GPRIN3: variants seen among roughly 807,000 people sequenced by gnomAD.
GPRIN3 encodes GPRIN family member 3, also known as G protein-regulated inducer of neurite outgrowth 3.
A neutral mutation model predicts 13.7 loss-of-function variants in GPRIN3; 12 were observed. The observed-to-expected ratio is 0.87, with a 90% confidence interval of 0.56 to 1.42. The LOEUF is 1.42. Among genes scored for constraint, GPRIN3 ranks in the 40% most tolerant of loss-of-function variants. The pLI, the probability that GPRIN3 is intolerant of heterozygous loss-of-function variation, is 0.00. For missense variants in GPRIN3, 1,009 were observed against 958.7 expected, an observed-to-expected ratio of 1.05 and a Z score of -0.69; for synonymous variants, 377 against 372.7, an observed-to-expected ratio of 1.01 and a Z score of -0.13.
chr4:89,287,633 T>C (rs928345016), intron 1 of GPRIN3, among the ~76,000 whole-genome samples: 3 of 152,126 alleles, frequency 2.0e-5, no homozygotes, highest in Admixed American at 6.5e-5. Flanking sequence ...GGGATACTCA[T>C]TGGGAAATTC....
intron 1 of GPRIN3, among the ~76,000 whole-genome samples, chr4:89,267,342 A>G (rs1723807489): frequency 6.6e-6 from 1 of 152,216 alleles, no homozygotes; most frequent in Non-Finnish European, 1.5e-5. Flanking sequence ...TGGATTTTCC[A>G]ATATTACACC....
chr4:89,284,961 G>A (rs538975128), intron 1 of GPRIN3, among the ~76,000 whole-genome samples: 69 of 152,278 alleles, frequency 4.5e-4, no homozygotes, highest in Admixed American at 3.9e-3. Flanking sequence ...CACCAATGTA[G>A]ACTGGCCTTT....
intron 1 of GPRIN3, among the ~76,000 whole-genome samples, chr4:89,280,945 A>G (rs1724230081): frequency 6.6e-6 from 1 of 152,158 alleles, no homozygotes; most frequent in African/African-American, 2.4e-5. Flanking sequence ...ATTTATAAAG[A>G]AAAGAGGTTG....
chr4:89,249,996 G>C lies in GPRIN3; in HGVS notation c.115C>G (p.Leu39Val), dbSNP rs11734353. 60,565 of 1,614,182 alleles carry C rather than the reference G, an allele frequency of 0.038. 1,455 individuals carry two copies. Among genetic ancestry groups the C allele is most frequent in the Non-Finnish European group, 0.041 (47,916 of 1,180,002 alleles). Residue 39 changes from leucine (L) to valine (V), a missense_variant, in exon 2 of 2, where the codon CTC becomes GTC. By Grantham distance (32) the Leu-to-Val change is conservative (BLOSUM62 1). Transcript: ENST00000609438. ...AAGCCATTGGCATTCTTACACAGGA[G>C]AGCTGGTCGATGCCGAGGTGAGGCA... Reference protein sequence around the residue: ...QAASPRHRPALLCKNANGFSG... With the variant: ...QAASPRHRPAVLCKNANGFSG...
rs577270697 is a variant in GPRIN3 at position 89,242,207 on chromosome 4, T to C, written c.*5573A>G. 6.6e-6 allele frequency: 1 copy of C among 152,244 alleles called. No homozygotes were observed. Among genetic ancestry groups the C allele is most frequent in the Non-Finnish European group, 1.5e-5 (1 of 68,036 alleles). 9.4% of individuals were successfully genotyped at this position (152,244 alleles called of 1,614,324 possible). A position where few individuals can be genotyped will look rare whatever the true frequency, so the allele number is the denominator to read the frequency against. Reference sequence around the variant, plus strand: ...AGCTTGAATCCAGAAAGATACTTGATGAAGAGTTAGCATTTAGAAGTGCCC... The same window carrying C: ...AGCTTGAATCCAGAAAGATACTTGACGAAGAGTTAGCATTTAGAAGTGCCC... On this transcript the variant is annotated 3_prime_UTR_variant, in exon 2 of 2. Transcript: ENST00000609438.
rs1471759774 is a variant in GPRIN3, at chr4:89,244,319, T to C, written c.*3461A>G. ...ATTTCAATTTTTATGTTTAACTTTA[T>C]AACATGGTGAACACTGGTATTCAAA... On this transcript the variant is annotated 3_prime_UTR_variant, in exon 2 of 2. Transcript: ENST00000609438. 2 of 152,202 alleles carry C rather than the reference T, an allele frequency of 1.3e-5. No homozygotes were observed. The highest frequency in any genetic ancestry group is 3.8e-4 in the East Asian group (2 of 5,198). The allele number at this position is 152,202 out of a possible 1,614,324, so 9.4% of individuals were successfully genotyped here.
chr4:89,274,681 C>A (rs1724045949), intron 1 of GPRIN3, among the ~76,000 whole-genome samples: 2 of 152,096 alleles, frequency 1.3e-5, no homozygotes, highest in African/African-American at 4.8e-5. Flanking sequence ...GAAGTTTGGC[C>A]TGGATTGTGG....
rs143543913 is a variant in GPRIN3, at chr4:89,248,288, G to A, written c.1823C>T (p.Pro608Leu). ...GCTGGAGTCACCCATGGGATCAGAT[G>A]GCAGGCTCAGGCTGGTGGCTGTCTT... Reference protein sequence around the residue: ...QTKTATSLSLPSDPMGDSSPG... With the variant: ...QTKTATSLSLLSDPMGDSSPG... Residue 608 changes from proline to leucine, a missense_variant, in exon 2 of 2, where the codon CCA (proline) becomes CTA (leucine). Coordinates refer to ENST00000609438, the MANE Select transcript of GPRIN3 (RefSeq NM_198281.3). The A allele has an allele frequency of 4.3e-6, 7 of 1,614,060 alleles. No individual in the cohort carries two copies. In the African/African-American group the frequency reaches 8.0e-5, roughly 18 times the overall value.
At chr4:89,254,151 G>GTGTGT (rs1553949825) in intron 1 of GPRIN3, among the ~76,000 whole-genome samples, 3 of 140,640 alleles carry the variant, frequency 2.1e-5, no homozygotes, top group South Asian at 2.4e-4. Flanking sequence ...GTGTGTGTGT[G>GTGTGT]GAGTGTGTGT....
intron 1 of GPRIN3, among the ~76,000 whole-genome samples, chr4:89,261,613 T>C (rs1355147769): frequency 6.6e-6 from 1 of 152,242 alleles, no homozygotes; most frequent in Non-Finnish European, 1.5e-5. Context: ...ACACTGACTC[T>C]GCAATTCCAC....
chr4:89,257,638 C>T (rs1441330501), intron 1 of GPRIN3, among the ~76,000 whole-genome samples: 2 of 152,194 alleles, frequency 1.3e-5, no homozygotes, highest in Non-Finnish European at 2.9e-5. Flanking sequence ...AAATCCAGAC[C>T]ATCTGGCTCC....
At chr4:89,266,488 T>C (rs966930863) in intron 1 of GPRIN3, among the ~76,000 whole-genome samples, 2 of 152,192 alleles carry the variant, frequency 1.3e-5, no homozygotes, top group Non-Finnish European at 2.9e-5. Context: ...ATAAAAAGGA[T>C]GAAGCATGAG....
intron 1 of GPRIN3, among the ~76,000 whole-genome samples, chr4:89,254,662 A>C (rs757742672): frequency 2.0e-5 from 3 of 152,128 alleles, no homozygotes; most frequent in Non-Finnish European, 2.9e-5. Flanking sequence ...TGTCTTTGCT[A>C]TCGTGAATAG....
chr4:89,297,417 T>C (rs1230283017), intron 1 of GPRIN3, among the ~76,000 whole-genome samples: 1 of 152,152 alleles, frequency 6.6e-6, no homozygotes, highest in Non-Finnish European at 1.5e-5. Flanking sequence ...TTGTTTCTTG[T>C]TCATTCTTTA....
At chr4:89,270,986 G>A (rs1723935811) in intron 1 of GPRIN3, among the ~76,000 whole-genome samples, 1 of 152,114 alleles carries the variant, frequency 6.6e-6, no homozygotes, top group Non-Finnish European at 1.5e-5. Context: ...CTGTGAAGTG[G>A]AAGGATCTGA....
rs1489997244 is a variant in GPRIN3, at chr4:89,247,289, T to C, written c.*491A>G. On this transcript the variant is annotated 3_prime_UTR_variant, in exon 2 of 2. Coordinates refer to ENST00000609438, the MANE Select transcript of GPRIN3 (RefSeq NM_198281.3). ...ATGTTCTCATTTTTTTCATTATGGT[T>C]CTTATCACCTATTTATAATTTGTGT... The C allele has an allele frequency of 1.3e-5, 2 of 152,738 alleles. No homozygotes were observed. 9.5% of individuals were successfully genotyped at this position (152,738 alleles called of 1,614,324 possible).
chr4:89,260,341 G>C (rs1280269678), intron 1 of GPRIN3, among the ~76,000 whole-genome samples: 1 of 152,158 alleles, frequency 6.6e-6, no homozygotes, highest in Non-Finnish European at 1.5e-5. Flanking sequence ...CTGCCTGAGA[G>C]AATGTGGGGT....
intron 1 of GPRIN3, among the ~76,000 whole-genome samples, chr4:89,270,802 C>T (rs1723929599): frequency 6.6e-6 from 1 of 151,488 alleles, no homozygotes; most frequent in Admixed American, 6.6e-5. Flanking sequence ...GAAACAATAA[C>T]TAATTAGACA....
rs1723123222 is a variant in GPRIN3, at chr4:89,247,160, A to G, written c.*620T>C. The G allele has an allele frequency of 6.6e-6, 1 of 152,242 alleles. No homozygotes were observed. Among genetic ancestry groups the G allele is most frequent in the South Asian group, 2.1e-4 (1 of 4,824 alleles). 9.4% of individuals were successfully genotyped at this position (152,242 alleles called of 1,614,324 possible). ...TATTAACAGCAATAAGAAGGTTTATAAAAAGAGTTGTCTGCAGATGTTTAT... is the reference window on the plus strand; with the variant it reads ...TATTAACAGCAATAAGAAGGTTTATGAAAAGAGTTGTCTGCAGATGTTTAT... On this transcript the variant is annotated 3_prime_UTR_variant, in exon 2 of 2. Transcript: ENST00000609438.
Sources: gnomAD v4.1 joint callset for allele counts (sites outside exome capture counted in the v4.1 genomes callset) on GRCh38, gnomAD v4.1.1 for gene constraint, MANE v1.5 for transcripts, NCBI Gene and HGNC (gene_info 2026-07-23, HGNC 2026-07-21) for gene names.